Variants in ENTPD1 observed in about 807,000 individuals in gnomAD.
ENTPD1 encodes ectonucleoside triphosphate diphosphohydrolase 1.
A neutral mutation model predicts 57.0 loss-of-function variants in ENTPD1; 33 were observed. The ratio of observed to expected loss-of-function variants is 0.58; its 90% CI spans 0.44 to 0.77. The LOEUF is 0.77. ENTPD1 is among the 30% of genes least tolerant of loss of function. The probability of loss-of-function intolerance (pLI) is 0.00; values close to 1 mark genes in which losing one functional copy is unlikely to be tolerated. For synonymous variants in ENTPD1, 202 were observed against 218.8 expected, an observed-to-expected ratio of 0.92 and a Z score of 0.68; for missense variants, 501 against 603.4, an observed-to-expected ratio of 0.83 and a Z score of 1.78.
At chr10:95,847,043 T>C (rs1221284020) in intron 6 of ENTPD1, among the ~76,000 whole-genome samples, 3 of 152,078 alleles carry the variant, frequency 2.0e-5, no homozygotes, top group Non-Finnish European at 4.4e-5. Context: ...GAAAAAAAAT[T>C]TTTTTAATAA....
chr10:95,853,442 G>T (rs2098449023), intron 7 of ENTPD1, among the ~76,000 whole-genome samples: 1 of 152,004 alleles, frequency 6.6e-6, no homozygotes, highest in South Asian at 2.1e-4. Context: ...CTGCCTGATT[G>T]CCCTGGCCAG....
chr10:95,829,889 A>G (rs2098390946), intron 2 of ENTPD1, among the ~76,000 whole-genome samples: 1 of 152,074 alleles, frequency 6.6e-6, no homozygotes, highest in Non-Finnish European at 1.5e-5. Context: ...TCATGGATAA[A>G]TGGATTGAGT....
chr10:95,776,094 T>C (rs935804635), intron 1 of ENTPD1, among the ~76,000 whole-genome samples: 1 of 152,220 alleles, frequency 6.6e-6, no homozygotes, highest in Non-Finnish European at 1.5e-5. Flanking sequence ...CTATATCCAA[T>C]TTGCCAGTCT....
intron 7 of ENTPD1, among the ~76,000 whole-genome samples, chr10:95,851,200 A>C (rs2140905963): frequency 6.6e-6 from 1 of 152,156 alleles, no homozygotes; most frequent in Middle Eastern, 3.4e-3. Flanking sequence ...TTAAAAACAC[A>C]TTTGTTTACA....
intron 1 of ENTPD1, among the ~76,000 whole-genome samples, chr10:95,803,513 GA>G (rs1299906315): frequency 1.3e-5 from 2 of 152,222 alleles, no homozygotes; most frequent in East Asian, 3.8e-4. Context: ...CCTCTTTTGA[GA>G]AGTGTCTGTT....
At position 95,844,758 on chromosome 10, in the gene ENTPD1, T is replaced by G. The variant is rs992853064; in HGVS notation, c.573+123T>G. On this transcript the variant is annotated intron_variant, in intron 5 of 9. Coordinates refer to ENST00000371205, the MANE Select transcript of ENTPD1 (RefSeq NM_001776.6). Reference sequence around the variant, plus strand: ...AATGATAGATGGATGGATGGATGGATGACTGGATGAATGAATTTACTCTCA... The same window carrying G: ...AATGATAGATGGATGGATGGATGGAGGACTGGATGAATGAATTTACTCTCA... The G allele has an allele frequency of 7.4e-6, 9 of 1,213,626 alleles. No individual in the cohort carries two copies. The Admixed American group carries it at 1.5e-4, about 21-fold the overall frequency. The allele number at this position is 1,213,626 out of a possible 1,614,324, so 75.2% of individuals were successfully genotyped here.
intron 1 of ENTPD1, among the ~76,000 whole-genome samples, chr10:95,760,536 G>T (rs569993149): frequency 6.6e-6 from 1 of 152,206 alleles, no homozygotes; most frequent in Non-Finnish European, 1.5e-5. Flanking sequence ...CACATTAAAT[G>T]ATTTCCTTAA....
upstream of ENTPD1, among the ~76,000 whole-genome samples, chr10:95,751,875 G>A (rs774020014): frequency 7.2e-5 from 11 of 152,166 alleles, no homozygotes; most frequent in Non-Finnish European, 1.6e-4. Flanking sequence ...TCATGGGAGT[G>A]GACTTGGCAG....
At chr10:95,776,774 C>A (rs1336539139) in intron 1 of ENTPD1, among the ~76,000 whole-genome samples, 1 of 152,196 alleles carries the variant, frequency 6.6e-6, no homozygotes, top group Non-Finnish European at 1.5e-5. Flanking sequence ...GTACACCAAT[C>A]AAATGTAGAT....
intron 1 of ENTPD1, among the ~76,000 whole-genome samples, chr10:95,733,062 C>G (rs148834598): frequency 8.3e-4 from 127 of 152,264 alleles, no homozygotes; most frequent in African/African-American, 2.7e-3. Flanking sequence ...CGTAATAGGC[C>G]TGGGAGTGCT....
chr10:95,745,294 T>C (rs535903187), intron 1 of ENTPD1, among the ~76,000 whole-genome samples: 1 of 152,278 alleles, frequency 6.6e-6, no homozygotes, highest in African/African-American at 2.4e-5. Flanking sequence ...AGTGATCCTC[T>C]TGCCTCAGCC....
At chr10:95,704,067 G>C in the ENTPD1 span, among the ~76,000 whole-genome samples, 2 of 152,124 alleles carry the variant, frequency 1.3e-5, no homozygotes, top group African/African-American at 4.8e-5. Flanking sequence ...CTCCAGCCTG[G>C]CAACAGAGCA....
intron 1 of ENTPD1, among the ~76,000 whole-genome samples, chr10:95,798,614 A>G (rs957506963): frequency 1.3e-5 from 2 of 152,188 alleles, no homozygotes; most frequent in Non-Finnish European, 1.5e-5. Context: ...GTTCCAGGCA[A>G]CATGACCTTC....
In ENTPD1 at chr10:95,869,302, T is replaced by C. The variant is rs1019869830; in HGVS notation, c.*2919T>C. Reference sequence around the variant, plus strand: ...TCTCACTCCATTGCCCAGGCTGGAGTGCAGTGGTGCTATCTCGGCTCACTG... The same window carrying C: ...TCTCACTCCATTGCCCAGGCTGGAGCGCAGTGGTGCTATCTCGGCTCACTG... On this transcript the variant is annotated 3_prime_UTR_variant, in exon 10 of 10. Coordinates refer to ENST00000371205, the MANE Select transcript of ENTPD1 (RefSeq NM_001776.6). 33 of 936,644 alleles carry C rather than the reference T, an allele frequency of 3.5e-5. No homozygotes were observed. The highest frequency in any genetic ancestry group is 4.1e-5 in the Non-Finnish European group (33 of 797,674). The allele number at this position is 936,644 out of a possible 1,614,324, so 58.0% of individuals were successfully genotyped here.
At chr10:95,707,748 G>T (rs1048438431), upstream of ENTPD1, among the ~76,000 whole-genome samples, 2 of 152,146 alleles carry the variant, frequency 1.3e-5, no homozygotes, top group Non-Finnish European at 2.9e-5. Flanking sequence ...GGGATTATAG[G>T]CATGTGCCAC....
At chr10:95,704,538 G>A in the ENTPD1 span, among the ~76,000 whole-genome samples, 2 of 152,186 alleles carry the variant, frequency 1.3e-5, no homozygotes, top group Admixed American at 1.3e-4. Flanking sequence ...TTACAGTACA[G>A]TGAGGAAAGG....
chr10:95,744,059 T>TTTATTCATA (rs2098003447), intron 1 of ENTPD1, among the ~76,000 whole-genome samples: 2 of 147,206 alleles, frequency 1.4e-5, no homozygotes, highest in Non-Finnish European at 3.0e-5. Flanking sequence ...TAGTTCTACA[T>TTTATTCATA]TTATTCATAT....
At chr10:95,800,474 G>A (rs2098244568) in intron 1 of ENTPD1, among the ~76,000 whole-genome samples, 1 of 152,164 alleles carries the variant, frequency 6.6e-6, no homozygotes, top group Admixed American at 6.5e-5. Flanking sequence ...AACAGGGTTT[G>A]AGAGCAGACA....
chr10:95,860,349 G>A, intron 7 of ENTPD1, 120 bp from the exon 8 acceptor site: 1 of 771,118 alleles, frequency 1.3e-6, no homozygotes, highest in Admixed American at 2.1e-5. Context: ...ATATCACTTT[G>A]TGTGTTAATT....
Sources: allele counts gnomAD v4.1 joint callset (sites outside exome capture counted in the v4.1 genomes callset), GRCh38; gene constraint gnomAD v4.1.1; transcripts MANE v1.5; gene names NCBI Gene and HGNC (gene_info 2026-07-23, HGNC 2026-07-21).